LAMA3: variants seen among roughly 807,000 people sequenced by gnomAD.
LAMA3 encodes the protein laminin subunit alpha 3.
Under a neutral mutation model 402.0 loss-of-function variants are expected in LAMA3, and 281 were observed. That is an observed-to-expected ratio of 0.70 (90% confidence interval 0.63 to 0.77). LAMA3 has a LOEUF of 0.77. Among genes scored for constraint, LAMA3 ranks in the 30% least tolerant of loss-of-function variants. LAMA3 has a pLI of 0.00. For synonymous variants in LAMA3, 1,431 were observed against 1,558.4 expected, an observed-to-expected ratio of 0.92 and a Z score of 1.93; for missense variants, 3,840 against 4,215.5, an observed-to-expected ratio of 0.91 and a Z score of 2.47.
At chr18:23,880,277 G>C (rs974155633) in intron 39 of LAMA3, among the ~76,000 whole-genome samples, 2 of 152,190 alleles carry the variant, frequency 1.3e-5, no homozygotes, top group African/African-American at 4.8e-5. Context: ...GCTTTCTGAT[G>C]ATAAGCAAAT....
At chr18:23,755,965 C>CTT (rs34517862) in intron 6 of LAMA3, among the ~76,000 whole-genome samples, 1 of 152,130 alleles carries the variant, frequency 6.6e-6, no homozygotes, top group Non-Finnish European at 1.5e-5. Context: ...TACCCAGCTC[C>CTT]TTTTTTTGCT....
intron 12 of LAMA3, among the ~76,000 whole-genome samples, chr18:23,788,898 A>G (rs1478213443): frequency 2.0e-5 from 3 of 151,476 alleles, no homozygotes; most frequent in Non-Finnish European, 2.9e-5. Flanking sequence ...ATATACACAC[A>G]TATATATAAT....
At chr18:23,849,090 A>G (rs1266969055) in intron 32 of LAMA3, among the ~76,000 whole-genome samples, 1 of 152,156 alleles carries the variant, frequency 6.6e-6, no homozygotes, top group Non-Finnish European at 1.5e-5. Context: ...ACTTAATTAC[A>G]TCTCTAAAGA....
At chr18:23,849,482 G>T (rs541227036) in intron 32 of LAMA3, among the ~76,000 whole-genome samples, 2 of 152,220 alleles carry the variant, frequency 1.3e-5, no homozygotes, top group Non-Finnish European at 2.9e-5. Context: ...TTCAAAGGGA[G>T]TGGTTTGTCA....
At chr18:23,928,816 T>C in intron 64 of LAMA3, 51 bp downstream of exon 64, 1 of 1,545,584 alleles carries the variant, frequency 6.5e-7, no homozygotes, top group Non-Finnish European at 8.9e-7. Context: ...GACTCAAAGT[T>C]TGATGTTAAA....
intron 46 of LAMA3, 88 bp downstream of exon 46, chr18:23,899,153 A>G (rs2080980333): frequency 1.5e-6 from 2 of 1,301,690 alleles, no homozygotes; most frequent in Non-Finnish European, 2.2e-6. Flanking sequence ...AGATTTCAAC[A>G]TTATGAAAAG....
At chr18:23,949,272 A>T (rs1437701076) in intron 70 of LAMA3, among the ~76,000 whole-genome samples, 3 of 152,086 alleles carry the variant, frequency 2.0e-5, no homozygotes, top group Non-Finnish European at 4.4e-5. Flanking sequence ...TTATTTTGGG[A>T]ACATTTTGGC....
At chr18:23,875,379 T>C (rs148998396) in intron 38 of LAMA3, among the ~76,000 whole-genome samples, 2 of 152,278 alleles carry the variant, frequency 1.3e-5, no homozygotes, top group Non-Finnish European at 2.9e-5. Context: ...TGAAAATGCA[T>C]AACTTGTATT....
chr18:23,755,421 G>A (rs969999716), intron 6 of LAMA3, among the ~76,000 whole-genome samples: 1 of 152,202 alleles, frequency 6.6e-6, no homozygotes, highest in African/African-American at 2.4e-5. Flanking sequence ...GCCTTTCCTT[G>A]TCTGCTGGTT....
intron 23 of LAMA3, among the ~76,000 whole-genome samples, chr18:23,828,852 T>C (rs2063439080): frequency 6.6e-6 from 1 of 152,236 alleles, no homozygotes. Flanking sequence ...CTCTTTATCA[T>C]ATTTATTTTT....
chr18:23,695,521 C>T (rs2060667449), intron 1 of LAMA3, among the ~76,000 whole-genome samples: 1 of 152,004 alleles, frequency 6.6e-6, no homozygotes, highest in Non-Finnish European at 1.5e-5. Context: ...AGATCACGCA[C>T]ATTATGAGTC....
chr18:23,755,980 T>C (rs2061835755), intron 6 of LAMA3, among the ~76,000 whole-genome samples: 2 of 152,208 alleles, frequency 1.3e-5, no homozygotes, highest in African/African-American at 4.8e-5. Flanking sequence ...TTTGCTATGC[T>C]CAATTTTAAT....
chr18:23,859,989 A>C (rs138515215), intron 34 of LAMA3, among the ~76,000 whole-genome samples: 1 of 152,190 alleles, frequency 6.6e-6, no homozygotes, highest in African/African-American at 2.4e-5. Flanking sequence ...TCAGAGTCCA[A>C]GGGTCTTAGA....
chr18:23,711,714 A>C (rs1222361395), intron 1 of LAMA3, among the ~76,000 whole-genome samples: 1 of 152,194 alleles, frequency 6.6e-6, no homozygotes, highest in Non-Finnish European at 1.5e-5. Flanking sequence ...CATCTGTAAA[A>C]TAGAGGTGAT....
Position 23,707,729 on chromosome 18 carries a change from G to A in LAMA3, c.295-6191G>A, listed in dbSNP as rs111315696. On this transcript the variant is annotated intron_variant, in intron 1 of 74. Coordinates refer to ENST00000313654, the MANE Select transcript of LAMA3 (RefSeq NM_198129.4). ...TTGCTCAGGCTGTCACCAACTCCCT[G>A]GGCTCAAGGAAACAAAATTCTTTTT... 1.1e-3 allele frequency among the ~76,000 whole-genome samples: 164 copies of A among 151,928 alleles called. 1 individual carries two copies. The highest frequency in any genetic ancestry group is 3.6e-3 in the African/African-American group (148 of 41,470).
intron 64 of LAMA3, among the ~76,000 whole-genome samples, chr18:23,929,125 A>G (rs1301390631): frequency 5.3e-5 from 8 of 152,208 alleles, no homozygotes; most frequent in African/African-American, 1.7e-4. Flanking sequence ...GTGTGTCCCT[A>G]TGATTTCTTT....
chr18:23,716,692 T>C (rs1344560283), intron 2 of LAMA3, among the ~76,000 whole-genome samples: 1 of 152,136 alleles, frequency 6.6e-6, no homozygotes, highest in Non-Finnish European at 1.5e-5. Context: ...CTGACAAACG[T>C]GAGTCATGGC....
At chr18:23,717,100 G>A (rs2061114994) in intron 2 of LAMA3, among the ~76,000 whole-genome samples, 1 of 152,292 alleles carries the variant, frequency 6.6e-6, no homozygotes, top group East Asian at 1.9e-4. Context: ...GGAAAAGCAT[G>A]ATCAGTTATG....
At chr18:23,847,344 GA>G in intron 31 of LAMA3, 119 bp from the exon 32 acceptor site, 1 of 1,070,262 alleles carries the variant, frequency 9.3e-7, no homozygotes, top group African/African-American at 1.6e-5. Flanking sequence ...GGGCCTTTCA[GA>G]TCCAAATATT....
Sources: gnomAD v4.1 joint callset for allele counts (sites outside exome capture counted in the v4.1 genomes callset) on GRCh38, gnomAD v4.1.1 for gene constraint, MANE v1.5 for transcripts, NCBI Gene and HGNC (gene_info 2026-07-23, HGNC 2026-07-21) for gene names.